The following FANK1 variants were observed in gnomAD, a reference collection of about 807,000 sequenced individuals.
FANK1 encodes the protein fibronectin type III and ankyrin repeat domains 1.
A neutral mutation model predicts 45.3 loss-of-function variants in FANK1; 44 were observed. The observed-to-expected ratio is 0.97, with a 90% CI of 0.76 to 1.25. FANK1 has a LOEUF of 1.25. Ranked by LOEUF, FANK1 falls within the 50% of genes most tolerant of loss-of-function variation. FANK1 has a pLI of 0.00. For missense variants in FANK1, 391 were observed against 424.4 expected (o/e 0.92, Z 0.69); for synonymous variants, 149 against 152.5 (o/e 0.98, Z 0.17).
chr10:125,918,556 C>CAAAAAAAAAAAA lies in FANK1; in HGVS notation c.13+21920_13+21931dup, dbSNP rs1156446362. The stretch of plus-strand genomic sequence containing the variant: ...CTGGTGACAGAGCAAGCCTCTGTCT[C>CAAAAAAAAAAAA]AAAAAAAAAAAAAAAAAAAAAAAAA... On this transcript the variant is annotated intron_variant, in intron 1 of 10. Transcript: ENST00000368693. Among the ~76,000 whole-genome samples the CAAAAAAAAAAAA allele has an allele frequency of 4.2e-4, 3 of 7,102 alleles. 1 individual carries two copies. The highest frequency in any genetic ancestry group is 9.5e-3 in the East Asian group (2 of 210). 4.7% of individuals were successfully genotyped at this position (7,102 alleles called of 152,430 possible). A position where few individuals can be genotyped will look rare whatever the true frequency, so the allele number is the denominator to read the frequency against.
At chr10:125,959,241 C>CCACACA (rs148186199) in intron 1 of FANK1, among the ~76,000 whole-genome samples, 2 of 149,784 alleles carry the variant, frequency 1.3e-5, no homozygotes, top group African/African-American at 4.9e-5. Flanking sequence ...TACTAAAAAT[C>CCACACA]CACACACACA....
At chr10:125,971,866 T>C (rs1440810834) in intron 1 of FANK1, among the ~76,000 whole-genome samples, 9 of 152,246 alleles carry the variant, frequency 5.9e-5, no homozygotes, top group South Asian at 2.1e-4. Flanking sequence ...TTGTGATTCG[T>C]CCACCTTGGC....
intron 4 of FANK1, among the ~76,000 whole-genome samples, chr10:125,995,859 AT>A (rs1264358906): frequency 6.6e-6 from 1 of 152,220 alleles, no homozygotes; most frequent in Non-Finnish European, 1.5e-5. Context: ...GACTCGCCAA[AT>A]CAACTGCTTT....
chr10:125,999,755 T>C lies in FANK1; in HGVS notation c.539+2270T>C, dbSNP rs60614825. Among the ~76,000 whole-genome samples, 923 of 152,278 alleles carry C rather than the reference T, an allele frequency of 6.1e-3. 8 individuals are homozygous for C. Among genetic ancestry groups the C allele is most frequent in the African/African-American group, 0.021 (872 of 41,552 alleles). On this transcript the variant is annotated intron_variant, in intron 6 of 10. Transcript: ENST00000368693. Reference sequence around the variant, plus strand: ...AAAATTCGAATAACAGAAGTACTTATAGCTTGTAGGCATTTAATGAGTTAA... The same window carrying C: ...AAAATTCGAATAACAGAAGTACTTACAGCTTGTAGGCATTTAATGAGTTAA...
At chr10:125,920,662 G>A (rs1264500884) in intron 1 of FANK1, among the ~76,000 whole-genome samples, 5 of 152,174 alleles carry the variant, frequency 3.3e-5, no homozygotes, top group Admixed American at 6.5e-5. Flanking sequence ...AGCTGCTGTT[G>A]ACCCAGAGGA....
intron 1 of FANK1, among the ~76,000 whole-genome samples, chr10:125,956,917 C>T (rs767139992): frequency 2.0e-5 from 3 of 152,196 alleles, no homozygotes; most frequent in East Asian, 1.9e-4. Context: ...GGCGCGATCT[C>T]AGCTCACTGC....
intron 1 of FANK1, among the ~76,000 whole-genome samples, chr10:125,976,626 T>A (rs1357650069): frequency 2.0e-5 from 3 of 150,706 alleles, no homozygotes; most frequent in African/African-American, 7.3e-5. Context: ...CATTGTAAAT[T>A]TTTTTTTTTT....
intron 1 of FANK1, among the ~76,000 whole-genome samples, chr10:125,944,535 A>C (rs1281755044): frequency 6.6e-6 from 1 of 152,186 alleles, no homozygotes; most frequent in Non-Finnish European, 1.5e-5. Flanking sequence ...AACCAGCCCC[A>C]AAACTGGCCA....
chr10:126,007,221 G>A (rs1042145140), intron 7 of FANK1: 1 of 152,152 alleles, frequency 6.6e-6, no homozygotes, highest in Non-Finnish European at 1.5e-5. Flanking sequence ...TTTACTTGGC[G>A]ACTGACTTAT....
chr10:125,900,216 G>A (rs1944917245), intron 1 of FANK1, among the ~76,000 whole-genome samples: 1 of 152,300 alleles, frequency 6.6e-6, no homozygotes, highest in African/African-American at 2.4e-5. Context: ...GCTGTTGAGA[G>A]TGGTTTTGGC....
At chr10:125,904,571 A>G (rs901508329) in intron 1 of FANK1, among the ~76,000 whole-genome samples, 2 of 151,898 alleles carry the variant, frequency 1.3e-5, no homozygotes, top group African/African-American at 4.8e-5. Flanking sequence ...GGCTGCAGAA[A>G]CTTTTAAGAG....
At chr10:125,959,349 G>C (rs1186777251) in intron 1 of FANK1, among the ~76,000 whole-genome samples, 1 of 136,586 alleles carries the variant, frequency 7.3e-6, no homozygotes, top group Admixed American at 7.9e-5. Context: ...GGGAGGCTGA[G>C]GTTACAAGGA....
intron 3 of FANK1, chr10:125,989,312 A>T (rs1221773570): frequency 6.4e-7 from 1 of 1,550,820 alleles, no homozygotes; most frequent in Non-Finnish European, 8.7e-7. Flanking sequence ...TGTAAAAATT[A>T]GGATGGTCAC....
intron 1 of FANK1, among the ~76,000 whole-genome samples, chr10:125,955,296 TCC>T (rs909457835): frequency 6.6e-6 from 1 of 151,714 alleles, no homozygotes; most frequent in Non-Finnish European, 1.5e-5. Context: ...TGTGTGTTGG[TCC>T]CCCCCATGTG....
chr10:125,954,751 C>G (rs1468833072), intron 1 of FANK1, among the ~76,000 whole-genome samples: 2 of 151,970 alleles, frequency 1.3e-5, no homozygotes, highest in Non-Finnish European at 2.9e-5. Context: ...GAAACCCTGC[C>G]TCTACTAAAA....
At chr10:125,955,316 G>A (rs1044601405) in intron 1 of FANK1, among the ~76,000 whole-genome samples, 2 of 152,074 alleles carry the variant, frequency 1.3e-5, no homozygotes, top group Middle Eastern at 3.4e-3. Context: ...GTGACCATGT[G>A]TTCTCATCAT....
At chr10:126,003,744 C>T (rs535358719) in intron 6 of FANK1, among the ~76,000 whole-genome samples, 11 of 151,974 alleles carry the variant, frequency 7.2e-5, no homozygotes, top group African/African-American at 1.4e-4. Flanking sequence ...GGCATGATCT[C>T]GGCTCACTGC....
At chr10:125,899,776 C>T (rs573585635) in intron 1 of FANK1, among the ~76,000 whole-genome samples, 223 of 152,096 alleles carry the variant, frequency 1.5e-3, no homozygotes, top group Middle Eastern at 3.4e-3. Flanking sequence ...TTGTTTATGC[C>T]GATATTATCT....
At chr10:125,910,647 G>C (rs1312416601) in intron 1 of FANK1, among the ~76,000 whole-genome samples, 3 of 152,210 alleles carry the variant, frequency 2.0e-5, no homozygotes, top group African/African-American at 4.8e-5. Context: ...ACTGTATTCT[G>C]TTGTATGAAT....
Sources: gnomAD v4.1 joint callset for allele counts (sites outside exome capture counted in the v4.1 genomes callset) on GRCh38, gnomAD v4.1.1 for gene constraint, MANE v1.5 for transcripts, NCBI Gene and HGNC (gene_info 2026-07-23, HGNC 2026-07-21) for gene names.